MUSK: variants seen among roughly 807,000 people sequenced by gnomAD.
MUSK encodes the protein muscle associated receptor tyrosine kinase.
MUSK carries 55 observed loss-of-function variants against 88.7 expected under a neutral mutation model. The observed-to-expected ratio is 0.62, with a 90% confidence interval of 0.50 to 0.78. MUSK has a LOEUF of 0.78. Among genes scored for constraint, MUSK ranks in the 30% least tolerant of loss-of-function variants. The pLI is 0.00. For synonymous variants in MUSK, 387 were observed against 391.9 expected, an observed-to-expected ratio of 0.99 and a Z score of 0.15; for missense variants, 1,015 against 1,074.3, an observed-to-expected ratio of 0.94 and a Z score of 0.77.
At chr9:110,798,437 G>A (rs572368405) in intron 14 of MUSK, among the ~76,000 whole-genome samples, 12 of 152,194 alleles carry the variant, frequency 7.9e-5, no homozygotes, top group East Asian at 3.9e-4. Flanking sequence ...AGACTCTTAC[G>A]GAATATTCTG....
At position 110,684,490 on chromosome 9, in the gene MUSK, AT is replaced by A. The variant is rs144949925; in HGVS notation, c.206+1700del. On this transcript the variant is annotated intron_variant, in intron 2 of 14. Transcript: ENST00000374448. ...TTCGTGGTTTCACATAAATTTTAGG[AT>A]TTTTTTTTTCTATTTCTGTGAAGAA... Among the ~76,000 whole-genome samples, 95 of 148,312 alleles carry A rather than the reference AT, an allele frequency of 6.4e-4. 1 individual carries two copies. Among genetic ancestry groups the A allele is most frequent in the African/African-American group, 2.0e-3 (83 of 40,566 alleles).
Position 110,687,271 on chromosome 9 carries a change from G to A in MUSK, c.358+3G>A. ...TGGAGCCCTGCAAGTGAAGATGAGT[G>A]AGTGGGAAACAGATTCGTCTATTGA... On this transcript the variant is annotated splice_donor_region_variant and intron_variant, in intron 3 of 14. Coordinates refer to ENST00000374448, the MANE Select transcript of MUSK (RefSeq NM_005592.4). The A allele has an allele frequency of 6.2e-7, 1 of 1,613,530 alleles. No homozygotes were observed.
intron 1 of MUSK, among the ~76,000 whole-genome samples, chr9:110,679,477 T>C (rs1217799694): frequency 6.6e-6 from 1 of 152,064 alleles, no homozygotes; most frequent in Non-Finnish European, 1.5e-5. Flanking sequence ...TATTTAAGTG[T>C]GTCTTTTGTG....
chr9:110,764,675 T>G (rs2077452233), intron 8 of MUSK, among the ~76,000 whole-genome samples: 1 of 152,076 alleles, frequency 6.6e-6, no homozygotes, highest in Non-Finnish European at 1.5e-5. Context: ...GCCTTACCTT[T>G]TAGAGCTAAT....
intron 5 of MUSK, among the ~76,000 whole-genome samples, chr9:110,721,104 C>T (rs2076805407): frequency 6.6e-6 from 1 of 152,018 alleles, no homozygotes; most frequent in South Asian, 2.1e-4. Flanking sequence ...GTAATAAAAG[C>T]CATCTATGAC....
intron 5 of MUSK, among the ~76,000 whole-genome samples, chr9:110,722,027 T>C (rs1444250244): frequency 6.6e-6 from 1 of 152,070 alleles, no homozygotes; most frequent in Admixed American, 6.6e-5. Flanking sequence ...GCTGGGATAA[T>C]TGGCAAGCCA....
intron 2 of MUSK, 75 bp from the exon 3 acceptor site, chr9:110,687,042 C>A: frequency 6.9e-7 from 1 of 1,455,600 alleles, no homozygotes; most frequent in Non-Finnish European, 9.4e-7. Context: ...AACAAGTCAT[C>A]GGTTTGATAC....
chr9:110,749,151 A>G (rs1002429022), intron 7 of MUSK, among the ~76,000 whole-genome samples: 1 of 152,236 alleles, frequency 6.6e-6, no homozygotes, highest in Admixed American at 6.5e-5. Flanking sequence ...CAAATACTCT[A>G]GATGACGCCC....
At chr9:110,791,405 G>C (rs1295087688) in intron 14 of MUSK, among the ~76,000 whole-genome samples, 1 of 78,112 alleles carries the variant, frequency 1.3e-5, no homozygotes, top group African/African-American at 5.3e-5. Flanking sequence ...TTTCAGACCG[G>C]CTTAAGAAAC....
chr9:110,731,782 C>T (rs1182813800), intron 5 of MUSK, among the ~76,000 whole-genome samples: 1 of 152,006 alleles, frequency 6.6e-6, no homozygotes, highest in East Asian at 1.9e-4. Flanking sequence ...AAATTAATTC[C>T]AAAGTCACGT....
chr9:110,726,354 C>A (rs2076883791), intron 5 of MUSK, among the ~76,000 whole-genome samples: 1 of 151,836 alleles, frequency 6.6e-6, no homozygotes, highest in African/African-American at 2.4e-5. Context: ...GCAAAATGAA[C>A]AATAGTAGCA....
At chr9:110,690,861 T>C (rs1446429664) in intron 3 of MUSK, among the ~76,000 whole-genome samples, 1 of 136,318 alleles carries the variant, frequency 7.3e-6, no homozygotes, top group African/African-American at 2.7e-5. Flanking sequence ...TATAAATATA[T>C]ATATTTAAAT....
At chr9:110,747,919 G>C in intron 7 of MUSK, 119 bp downstream of exon 7, 1 of 1,353,212 alleles carries the variant, frequency 7.4e-7, no homozygotes, top group Non-Finnish European at 1.0e-6. Flanking sequence ...AGTTGCATTT[G>C]GGCTATTTCC....
intron 2 of MUSK, 146 bp downstream of exon 2, chr9:110,682,946 C>A: frequency 1.9e-6 from 1 of 513,858 alleles, no homozygotes; most frequent in Non-Finnish European, 3.3e-6. Flanking sequence ...GGGTATCCAT[C>A]CCCTCAAGCA....
chr9:110,766,762 A>G (rs2077491320), intron 8 of MUSK, among the ~76,000 whole-genome samples: 1 of 152,254 alleles, frequency 6.6e-6, no homozygotes, highest in African/African-American at 2.4e-5. Context: ...CGATAGTTGT[A>G]CAAATCTAAA....
chr9:110,681,851 A>G (rs2076140466), intron 1 of MUSK, among the ~76,000 whole-genome samples: 1 of 152,120 alleles, frequency 6.6e-6, no homozygotes, highest in Admixed American at 6.6e-5. Flanking sequence ...CTAAATGTCA[A>G]TCATACTACT....
At position 110,802,587 on chromosome 9, in the gene MUSK, C is replaced by T. The variant is rs548395735; in HGVS notation, c.*1599C>T. Among the ~76,000 whole-genome samples the T allele has an allele frequency of 6.6e-6, 1 of 152,292 alleles. No homozygotes were observed. The highest frequency in any genetic ancestry group is 1.9e-4 in the East Asian group (1 of 5,184). Reference sequence around the variant, plus strand: ...ATTTCTTATTCATAGTGTCTCCAGGCAACCAAGACAAAAATGTAGAAATTT... The same window carrying T: ...ATTTCTTATTCATAGTGTCTCCAGGTAACCAAGACAAAAATGTAGAAATTT... On this transcript the variant is annotated 3_prime_UTR_variant, in exon 15 of 15. Transcript: ENST00000374448.
intron 6 of MUSK, 48 bp downstream of exon 6, chr9:110,734,423 G>T: frequency 5.0e-6 from 8 of 1,611,386 alleles, no homozygotes; most frequent in Non-Finnish European, 6.8e-6. Context: ...CCCATTGGTG[G>T]TGAACTTCAG....
chr9:110,722,475 ATCC>A (rs2076826283), intron 5 of MUSK, among the ~76,000 whole-genome samples: 1 of 152,030 alleles, frequency 6.6e-6, no homozygotes, highest in Admixed American at 6.6e-5. Flanking sequence ...GGTTGCAGTG[ATCC>A]TAGATAGTGC....
Sources: allele counts gnomAD v4.1 joint callset (sites outside exome capture counted in the v4.1 genomes callset), GRCh38; gene constraint gnomAD v4.1.1; transcripts MANE v1.5; gene names NCBI Gene and HGNC (gene_info 2026-07-23, HGNC 2026-07-21).